TUB: variants seen among roughly 807,000 people sequenced by gnomAD.
TUB encodes TUB bipartite transcription factor, also known as tubby protein homolog.
In TUB, 33 loss-of-function variants were observed where a neutral mutation model predicts 59.7. The observed-to-expected ratio is 0.55, with a 90% CI of 0.42 to 0.74. The LOEUF (loss-of-function observed/expected upper bound fraction) is 0.74. Among genes scored for constraint, TUB ranks in the 30% least tolerant of loss-of-function variants. The probability of loss-of-function intolerance (pLI) is 0.00; values close to 1 mark genes in which losing one functional copy is unlikely to be tolerated. For missense variants in TUB, 659 were observed against 672.0 expected (o/e 0.98, Z 0.21); for synonymous variants, 293 against 256.4 (o/e 1.14, Z -1.36).
chr11:8,080,816 T>G (rs1388237088), upstream of TUB, among the ~76,000 whole-genome samples: 1 of 152,102 alleles, frequency 6.6e-6, no homozygotes, highest in Non-Finnish European at 1.5e-5. Context: ...CCTCCACGCT[T>G]CGGCCCGGAG....
intron 1 of TUB, 112 bp from the exon 2 acceptor site, chr11:8,089,498 G>A: frequency 1.5e-6 from 2 of 1,296,104 alleles, no homozygotes; most frequent in East Asian, 2.3e-5. Flanking sequence ...CTGAGTCCCA[G>A]CAGCCGTGAT....
chr11:8,094,174 A>G lies in TUB; in HGVS notation c.382A>G (p.Lys128Glu). The change falls in exon 4 of 12, where the codon AAG becomes GAG. Residue 128 changes from lysine to glutamate, a missense_variant. Transcript: ENST00000299506. ...GQGGAARKEK[K>E]GKHKGTSGPA... Reference sequence around the variant, plus strand: ...GGGTGGCGCCGCTAGGAAGGAGAAGAAGGGAAAGCACAAAGGTCAGCTCAC... The same window carrying G: ...GGGTGGCGCCGCTAGGAAGGAGAAGGAGGGAAAGCACAAAGGTCAGCTCAC... 6.2e-7 allele frequency: 1 copy of G among 1,613,154 alleles called. No homozygotes were observed. Among genetic ancestry groups the G allele is most frequent in the Middle Eastern group, 1.7e-4 (1 of 6,054 alleles).
chr11:8,030,266 G>C (rs1290967886), intron 1 of TUB, among the ~76,000 whole-genome samples: 4 of 152,182 alleles, frequency 2.6e-5, no homozygotes, highest in African/African-American at 9.7e-5. Context: ...ACCAAAAGTG[G>C]AAGGAAGCTC....
At chr11:8,042,462 A>T (rs941091036) in intron 2 of TUB, among the ~76,000 whole-genome samples, 4 of 152,308 alleles carry the variant, frequency 2.6e-5, no homozygotes, top group East Asian at 3.8e-4. Context: ...TTATAGGGAC[A>T]TATGTTTTCA....
chr11:8,062,745 C>A (rs1427684486), intron 2 of TUB, among the ~76,000 whole-genome samples: 1 of 151,898 alleles, frequency 6.6e-6, no homozygotes, highest in African/African-American at 2.4e-5. Context: ...AGGGCAGGGC[C>A]CAGGAATCTT....
intron 1 of TUB, among the ~76,000 whole-genome samples, chr11:8,021,915 CAAA>C (rs5789558): frequency 4.7e-4 from 55 of 116,924 alleles, no homozygotes; most frequent in Admixed American, 6.9e-4. Context: ...GACTCCAGCT[CAAA>C]AAAAAAAAAA....
chr11:8,101,088 C>G, intron 11 of TUB, 91 bp downstream of exon 11: 2 of 1,462,044 alleles, frequency 1.4e-6, no homozygotes, highest in East Asian at 2.3e-5. Context: ...CCTACACTGG[C>G]TAGAGTTTAA....
At chr11:8,049,078 C>T (rs372830173) in intron 2 of TUB, among the ~76,000 whole-genome samples, 7 of 152,314 alleles carry the variant, frequency 4.6e-5, no homozygotes, top group East Asian at 3.9e-4. Context: ...ACTCCATATT[C>T]GTGCTCTTAC....
At chr11:8,058,178 C>A (rs1409511326) in intron 2 of TUB, among the ~76,000 whole-genome samples, 8 of 149,470 alleles carry the variant, frequency 5.4e-5, no homozygotes, top group African/African-American at 2.0e-4. Context: ...CACCACTGCA[C>A]TCCAGCCTGG....
chr11:8,057,954 C>T (rs1227991559), intron 2 of TUB, among the ~76,000 whole-genome samples: 2 of 151,958 alleles, frequency 1.3e-5, no homozygotes, highest in African/African-American at 4.8e-5. Context: ...CCTGGCCTGC[C>T]GCACCAGCAC....
intron 2 of TUB, among the ~76,000 whole-genome samples, chr11:8,059,509 C>T (rs559392987): frequency 2.4e-4 from 36 of 152,064 alleles, no homozygotes; most frequent in Admixed American, 7.2e-4. Context: ...GGGTGGTGCC[C>T]GGGAGTATGC....
upstream of TUB, among the ~76,000 whole-genome samples, chr11:8,037,723 G>C (rs958249986): frequency 6.6e-6 from 1 of 152,200 alleles, no homozygotes; most frequent in Non-Finnish European, 1.5e-5. Flanking sequence ...CCAGGGCCTG[G>C]TAGTAGATAA....
intron 2 of TUB, among the ~76,000 whole-genome samples, chr11:8,049,268 G>T (rs1472567364): frequency 6.6e-6 from 1 of 152,180 alleles, no homozygotes; most frequent in Non-Finnish European, 1.5e-5. Flanking sequence ...CCAGTAGGAA[G>T]AGCTGAGGCT....
chr11:8,078,638 G>A (rs913927050), upstream of TUB, among the ~76,000 whole-genome samples: 4 of 152,088 alleles, frequency 2.6e-5, no homozygotes, highest in Non-Finnish European at 4.4e-5. Context: ...AAGCACACAC[G>A]TCATTCTCCT....
chr11:8,093,768 G>A (rs1943861725), intron 3 of TUB, among the ~76,000 whole-genome samples: 1 of 152,164 alleles, frequency 6.6e-6, no homozygotes, highest in African/African-American at 2.4e-5. Context: ...GAACTTTTGA[G>A]TGCGCACTTT....
intron 1 of TUB, among the ~76,000 whole-genome samples, chr11:8,085,180 T>C (rs1008168778): frequency 2.0e-4 from 31 of 152,200 alleles, no homozygotes; most frequent in African/African-American, 7.2e-4. Context: ...GATTTTCTTG[T>C]TGTTCTTTAG....
At position 8,100,638 on chromosome 11, in the gene TUB, A is replaced by G. The variant is rs755586657; in HGVS notation, c.1215+37A>G. On this transcript the variant is annotated intron_variant, in intron 10 of 11. Coordinates refer to ENST00000299506, the MANE Select transcript of TUB (RefSeq NM_177972.3). ...CCCCTTCCTCCCCTCTTTCCCCATC[A>G]TCCTAGTCTCTGCATGAGCTTCTAA... 14 of 1,593,872 alleles carry G rather than the reference A, an allele frequency of 8.8e-6. No individual in the cohort carries two copies. In the Admixed American group the frequency reaches 1.0e-4, roughly 11 times the overall value.
At chr11:8,032,425 T>C (rs1420901621) in intron 1 of TUB, among the ~76,000 whole-genome samples, 1 of 152,158 alleles carries the variant, frequency 6.6e-6, no homozygotes, top group South Asian at 2.1e-4. Flanking sequence ...GGCAGCAAGT[T>C]TGGATTGGAT....
intron 1 of TUB, among the ~76,000 whole-genome samples, chr11:8,086,402 C>T (rs1943666519): frequency 6.6e-6 from 1 of 152,048 alleles, no homozygotes; most frequent in African/African-American, 2.4e-5. Context: ...GGAACTGGGC[C>T]TATTGAGGAA....
Sources: gnomAD v4.1 joint callset for allele counts (sites outside exome capture counted in the v4.1 genomes callset) on GRCh38, gnomAD v4.1.1 for gene constraint, MANE v1.5 for transcripts, NCBI Gene and HGNC (gene_info 2026-07-23, HGNC 2026-07-21) for gene names.